SOX5: variants seen among roughly 807,000 people sequenced by gnomAD.
The protein encoded by SOX5 is transcription factor SOX-5.
Under a neutral mutation model 92.0 loss-of-function variants are expected in SOX5, and 9 were observed. That is an observed-to-expected ratio of 0.10 (90% confidence interval 0.06 to 0.17). The LOEUF is 0.17. SOX5 is among the 10% of genes least tolerant of loss of function. The pLI is 1.00. For synonymous variants in SOX5, 344 were observed against 336.3 expected, an observed-to-expected ratio of 1.02 and a Z score of -0.25; for missense variants, 642 against 944.5, an observed-to-expected ratio of 0.68 and a Z score of 4.20.
intron 3 of SOX5, among the ~76,000 whole-genome samples, chr12:23,842,271 A>G (rs923663970): frequency 9.9e-5 from 15 of 152,152 alleles, no homozygotes; most frequent in African/African-American, 3.4e-4. Flanking sequence ...GGTGGTTAGT[A>G]GGAGCCATAT....
At chr12:24,418,347 T>G (rs957617973) in intron 1 of SOX5, among the ~76,000 whole-genome samples, 4 of 152,212 alleles carry the variant, frequency 2.6e-5, no homozygotes, top group Non-Finnish European at 5.9e-5. Flanking sequence ...TCCTTGCCAG[T>G]GATTGGTTGT....
upstream of SOX5, chr12:24,562,528 C>A (rs117157091): frequency 4.3e-3 from 661 of 153,856 alleles, 19 homozygotes; most frequent in East Asian, 0.065. Context: ...CTCCCCCCGT[C>A]TCTCGCTCGC....
chr12:24,301,521 C>A lies in SOX5; in HGVS notation c.-173-24209G>T, dbSNP rs74068490. On this transcript the variant is annotated intron_variant, in intron 2 of 4. Coordinates refer to the SOX5 transcript ENST00000446891. ...CTCCACATTCAAATAAAAGAGCAGG[C>A]GCCAAAATGTAACTTTGTGGAAAGT... is the stretch of plus-strand genomic sequence containing the variant. Among the ~76,000 whole-genome samples the A allele has an allele frequency of 9.2e-3, 1,406 of 152,140 alleles. 25 individuals carry two copies. The highest frequency in any genetic ancestry group is 0.033 in the African/African-American group (1,361 of 41,508).
intron 4 of SOX5, among the ~76,000 whole-genome samples, chr12:23,979,911 G>GACAGACA (rs1569372459): frequency 0.014 from 1,620 of 119,374 alleles, 39 homozygotes; most frequent in African/African-American, 0.037. Flanking sequence ...CTGGCTGGCT[G>GACAGACA]GCCAGACAGA....
chr12:24,027,956 T>G (rs1357924645), intron 4 of SOX5, among the ~76,000 whole-genome samples: 2 of 152,016 alleles, frequency 1.3e-5, no homozygotes, highest in Non-Finnish European at 2.9e-5. Flanking sequence ...ATCGGGTTCC[T>G]CCTAACTGCG....
chr12:24,037,061 A>T (rs1956112165), intron 4 of SOX5, among the ~76,000 whole-genome samples: 1 of 152,038 alleles, frequency 6.6e-6, no homozygotes, highest in Non-Finnish European at 1.5e-5. Flanking sequence ...ACACCCTCCA[A>T]ATGAACAAGG....
chr12:23,996,671 C>T (rs1951060395), intron 4 of SOX5, among the ~76,000 whole-genome samples: 1 of 152,140 alleles, frequency 6.6e-6, no homozygotes, highest in Admixed American at 6.5e-5. Context: ...GTACATGAGC[C>T]TCCAAAGCAC....
At chr12:24,334,828 T>A (rs1951709285) in intron 2 of SOX5, among the ~76,000 whole-genome samples, 1 of 151,970 alleles carries the variant, frequency 6.6e-6, no homozygotes, top group South Asian at 2.1e-4. Flanking sequence ...CATTAACTAA[T>A]TAATCTTATG....
intron 4 of SOX5, among the ~76,000 whole-genome samples, chr12:24,032,783 T>A (rs924959103): frequency 6.6e-6 from 1 of 151,902 alleles, no homozygotes; most frequent in African/African-American, 2.4e-5. Context: ...TGTAGGGGCA[T>A]CTCATTCTAA....
intron 1 of SOX5, among the ~76,000 whole-genome samples, chr12:24,482,870 T>C (rs1419337764): frequency 6.6e-6 from 1 of 152,218 alleles, no homozygotes; most frequent in Non-Finnish European, 1.5e-5. Flanking sequence ...GATAGATGTA[T>C]GTTACTTATG....
chr12:23,928,185 T>A (rs1314439482), intron 1 of SOX5, among the ~76,000 whole-genome samples: 1 of 151,950 alleles, frequency 6.6e-6, no homozygotes, highest in East Asian at 1.9e-4. Flanking sequence ...AGCTAAGAAG[T>A]CTGAGTAGGG....
At chr12:24,184,000 CAA>C (rs1184837500) in intron 4 of SOX5, among the ~76,000 whole-genome samples, 8 of 152,096 alleles carry the variant, frequency 5.3e-5, no homozygotes, top group African/African-American at 1.9e-4. Context: ...ACTTTACTAA[CAA>C]TATATAATTT....
chr12:24,269,576 T>A (rs1355835649), intron 3 of SOX5, among the ~76,000 whole-genome samples: 1 of 152,138 alleles, frequency 6.6e-6, no homozygotes, highest in Non-Finnish European at 1.5e-5. Context: ...AGAGAAGTAC[T>A]CAAAATATAT....
intron 6 of SOX5, among the ~76,000 whole-genome samples, chr12:23,718,251 A>G (rs1349597217): frequency 6.6e-6 from 1 of 152,204 alleles, no homozygotes; most frequent in Non-Finnish European, 1.5e-5. Context: ...AAAATGGTGT[A>G]ATTATTCTGG....
chr12:23,811,601 G>A (rs1324078934), intron 3 of SOX5, among the ~76,000 whole-genome samples: 1 of 152,038 alleles, frequency 6.6e-6, no homozygotes, highest in Non-Finnish European at 1.5e-5. Flanking sequence ...TCCCACTTGT[G>A]AGAAAATATA....
At chr12:23,889,579 C>CT (rs1359907871) in intron 2 of SOX5, among the ~76,000 whole-genome samples, 6 of 152,124 alleles carry the variant, frequency 3.9e-5, no homozygotes, top group Non-Finnish European at 7.4e-5. Flanking sequence ...GTAAAAGCCT[C>CT]TCTATCATGT....
At chr12:24,250,970 T>C (rs1376859440) in intron 3 of SOX5, among the ~76,000 whole-genome samples, 1 of 152,220 alleles carries the variant, frequency 6.6e-6, no homozygotes, top group African/African-American at 2.4e-5. Flanking sequence ...TGCCCTTTAA[T>C]TCCTATAATC....
At chr12:23,976,199 A>C (rs961134985) in intron 4 of SOX5, among the ~76,000 whole-genome samples, 2 of 152,002 alleles carry the variant, frequency 1.3e-5, no homozygotes, top group Non-Finnish European at 2.9e-5. Context: ...TAAAGAAAAA[A>C]ATTCTGTCTG....
At chr12:24,168,758 A>T (rs1953717386) in intron 4 of SOX5, among the ~76,000 whole-genome samples, 1 of 152,346 alleles carries the variant, frequency 6.6e-6, no homozygotes, top group Non-Finnish European at 1.5e-5. Context: ...ATCATTGTAT[A>T]AACCAAACGC....
Sources: gnomAD v4.1 joint callset for allele counts (sites outside exome capture counted in the v4.1 genomes callset) on GRCh38, gnomAD v4.1.1 for gene constraint, MANE v1.5 for transcripts, NCBI Gene and HGNC (gene_info 2026-07-23, HGNC 2026-07-21) for gene names.